ANXA5: variants seen among roughly 807,000 people sequenced by gnomAD.
ANXA5 encodes the protein CBP-I.
Under a neutral mutation model 48.1 loss-of-function variants are expected in ANXA5, and 40 were observed. The observed-to-expected ratio is 0.83, with a 90% CI of 0.65 to 1.08. The LOEUF (loss-of-function observed/expected upper bound fraction) is 1.08. Ranked by LOEUF, ANXA5 falls within the 50% of genes least tolerant of loss-of-function variation. The pLI is 0.00. For missense variants in ANXA5, 357 were observed against 376.8 expected (o/e 0.95, Z 0.44); for synonymous variants, 113 against 129.1 (o/e 0.88, Z 0.85).
At chr4:121,692,200 A>C (rs1724998756) in intron 2 of ANXA5, among the ~76,000 whole-genome samples, 1 of 152,222 alleles carries the variant, frequency 6.6e-6, no homozygotes, top group Non-Finnish European at 1.5e-5. Context: ...GGGAAAAAAA[A>C]CATCACTGGA....
At position 121,668,195 on chromosome 4, in the gene ANXA5, C is replaced by G. The variant is rs1724552150; in HGVS notation, c.*273G>C. The G allele has an allele frequency of 3.5e-6, 1 of 288,782 alleles. No individual in the cohort carries two copies. Among genetic ancestry groups the G allele is most frequent in the Non-Finnish European group, 6.4e-6 (1 of 156,352 alleles). 17.9% of individuals were successfully genotyped at this position (288,782 alleles called of 1,614,324 possible). ...TTAAAAAAGGCTAAAAGCACTCTAG[C>G]CTCTTAAAAAATATATATAAATGGA... is the stretch of plus-strand genomic sequence containing the variant. On this transcript the variant is annotated 3_prime_UTR_variant, in exon 13 of 13. Transcript: ENST00000296511.
chr4:121,696,592 C>A lies in ANXA5; in HGVS notation c.-3G>T. 3.5e-6 allele frequency: 5 copies of A among 1,430,226 alleles called. No homozygotes were observed. The highest frequency in any genetic ancestry group is 4.6e-6 in the Non-Finnish European group (5 of 1,081,532). The allele number at this position is 1,430,226 out of a possible 1,614,324, so 88.6% of individuals were successfully genotyped here. A position where few individuals can be genotyped will look rare whatever the true frequency, so the allele number is the denominator to read the frequency against. Reference sequence around the variant, plus strand: ...GCGCACGGCCTTACCTGTGCCATGGCGACTACTCAGGTCAGGGGAAGGTGA... The same window carrying A: ...GCGCACGGCCTTACCTGTGCCATGGAGACTACTCAGGTCAGGGGAAGGTGA... On this transcript the variant is annotated 5_prime_UTR_variant, in exon 2 of 13. Coordinates refer to ENST00000296511, the MANE Select transcript of ANXA5 (RefSeq NM_001154.4).
rs765143178 is a variant in ANXA5 at position 121,684,652 on chromosome 4, C to G, written c.189+25G>C. 8 of 1,592,670 alleles carry G rather than the reference C, an allele frequency of 5.0e-6. No homozygotes were observed. The East Asian group carries it at 1.8e-4, about 36-fold the overall frequency. ...TAACTGATAGCTGTTCTCCCATTCT[C>G]TCTTGGGATGAAGTGTGGTCTTACC... is the stretch of plus-strand genomic sequence containing the variant. On this transcript the variant is annotated intron_variant, in intron 4 of 12. Coordinates refer to ENST00000296511, the MANE Select transcript of ANXA5 (RefSeq NM_001154.4).
intron 2 of ANXA5, among the ~76,000 whole-genome samples, chr4:121,694,118 G>GT (rs1309189096): frequency 2.9e-5 from 3 of 104,466 alleles, no homozygotes; most frequent in African/African-American, 1.4e-4. Context: ...GGAGGGGGGA[G>GT]GGATAGCATT....
At chr4:121,669,079 CTT>C (rs1390391748) in intron 12 of ANXA5, among the ~76,000 whole-genome samples, 5 of 148,830 alleles carry the variant, frequency 3.4e-5, no homozygotes, top group Non-Finnish European at 7.4e-5. Flanking sequence ...AGTCAAAAGA[CTT>C]TAAGCTAAAT....
intron 5 of ANXA5, among the ~76,000 whole-genome samples, chr4:121,682,029 TTACA>T (rs1560827313): frequency 6.6e-6 from 1 of 152,168 alleles, no homozygotes; most frequent in East Asian, 1.9e-4. Flanking sequence ...ACATAACCAG[TTACA>T]TAAATTTGTA....
chr4:121,694,285 AAC>A (rs111885171), intron 2 of ANXA5, among the ~76,000 whole-genome samples: 80,630 of 150,168 alleles, frequency 0.54, 22,532 homozygotes, highest in African/African-American at 0.69. Context: ...ATAAAAAATA[AAC>A]AAAAAAATTC....
chr4:121,683,372 C>G lies in ANXA5; in HGVS notation c.295G>C (p.Ala99Pro), dbSNP rs759096170. 4 of 1,589,982 alleles carry G rather than the reference C, an allele frequency of 2.5e-6. No homozygotes were observed. Among genetic ancestry groups the G allele is most frequent in the Middle Eastern group, 1.7e-4 (1 of 5,992 alleles). The change falls in exon 5 of 13, where the codon GCC becomes CCC. Residue 99 changes from alanine to proline, a missense_variant. Transcript: ENST00000296511. Reference sequence around the variant, plus strand: ...TCACTCATCCTTTTTACCTTCAAGGCATGTTTCAGTTCATAAGCATCATAA... The same window carrying G: ...TCACTCATCCTTTTTACCTTCAAGGGATGTTTCAGTTCATAAGCATCATAA... ...RLYDAYELKHALKGAGTNEKV... is the reference protein window; with the variant it reads ...RLYDAYELKHPLKGAGTNEKV...
intron 12 of ANXA5, 31 bp downstream of exon 12, chr4:121,669,571 C>G: frequency 6.2e-7 from 1 of 1,611,924 alleles, no homozygotes; most frequent in Non-Finnish European, 8.5e-7. Flanking sequence ...CTTTGGATTC[C>G]CAAACGTAAT....
At position 121,681,664 on chromosome 4, in the gene ANXA5, C is replaced by G; in HGVS notation, c.394+7G>C. 1 of 1,598,798 alleles carries G rather than the reference C, an allele frequency of 6.3e-7. No homozygotes were observed. The highest frequency in any genetic ancestry group is 1.1e-5 in the South Asian group (1 of 90,082). ...GTGAAGTCAAAATATAACTCACAAA[C>G]ATTTACCTTCTTCATAAACTTGTTT... On this transcript the variant is annotated splice_region_variant and intron_variant, in intron 6 of 12. Coordinates refer to ENST00000296511, the MANE Select transcript of ANXA5 (RefSeq NM_001154.4).
intron 2 of ANXA5, among the ~76,000 whole-genome samples, chr4:121,690,004 C>T (rs540287465): frequency 4.1e-4 from 63 of 152,180 alleles, no homozygotes; most frequent in African/African-American, 1.4e-3. Context: ...CTGGAGGGGG[C>T]CACCACGCAA....
At chr4:121,669,794 G>T in intron 11 of ANXA5, 70 bp from the exon 12 acceptor site, 1 of 1,551,772 alleles carries the variant, frequency 6.4e-7, no homozygotes, top group Non-Finnish European at 8.7e-7. Flanking sequence ...AATGCTCCCG[G>T]GTGCGGGTGA....
At chr4:121,687,547 A>G (rs1724914240) in intron 2 of ANXA5, among the ~76,000 whole-genome samples, 1 of 152,194 alleles carries the variant, frequency 6.6e-6, no homozygotes, top group Non-Finnish European at 1.5e-5. Context: ...TAAATGCACA[A>G]AAGCACAGTC....
rs1725087962 is a variant in ANXA5, at chr4:121,696,615, T to G, written c.-26A>C. 1.4e-6 allele frequency: 2 copies of G among 1,410,080 alleles called. No homozygotes were observed. Among genetic ancestry groups the G allele is most frequent in the South Asian group, 1.8e-5 (1 of 55,806 alleles). The allele number at this position is 1,410,080 out of a possible 1,614,324, so 87.3% of individuals were successfully genotyped here. On this transcript the variant is annotated 5_prime_UTR_variant, in exon 2 of 13. Coordinates refer to ENST00000296511, the MANE Select transcript of ANXA5 (RefSeq NM_001154.4). ...GGCGACTACTCAGGTCAGGGGAAGG[T>G]GAAGCAGGACTGCAAAAGAGAAGAA...
At chr4:121,689,336 G>A (rs1182688310) in intron 2 of ANXA5, among the ~76,000 whole-genome samples, 2 of 152,128 alleles carry the variant, frequency 1.3e-5, no homozygotes, top group Non-Finnish European at 2.9e-5. Context: ...TCTTTTGAAT[G>A]TCTCCCCCGT....
At chr4:121,681,461 T>G (rs1464621042) in intron 6 of ANXA5, 2 of 430,270 alleles carry the variant, frequency 4.6e-6, no homozygotes, top group Non-Finnish European at 8.3e-6. Flanking sequence ...AGTAGCTTCT[T>G]ATAAAATATG....
rs1724889787 is a variant in ANXA5 at position 121,686,348 on chromosome 4, A to G, written c.34T>C (p.Phe12Leu). The change falls in exon 3 of 13, where the codon TTC becomes CTC. Residue 12 changes from phenylalanine (F) to leucine (L), a missense_variant. Phe to Leu is a conservative substitution (Grantham distance 22). Transcript: ENST00000296511. ...AQVLRGTVTD[F>L]PGFDERADAE... ...TCAGCCCGCTCATCAAATCCAGGGA[A>G]GTCAGTCACAGTGCCTCTGAGAACC... is the stretch of plus-strand genomic sequence containing the variant. The G allele has an allele frequency of 6.2e-7, 1 of 1,614,084 alleles. No homozygotes were observed. The highest frequency in any genetic ancestry group is 1.3e-5 in the African/African-American group (1 of 75,042).
chr4:121,668,212 A>G lies in ANXA5; in HGVS notation c.*256T>C, dbSNP rs1724552504. 3.1e-6 allele frequency: 1 copy of G among 319,708 alleles called. No individual in the cohort carries two copies. Among genetic ancestry groups the G allele is most frequent in the South Asian group, 1.0e-4 (1 of 9,884 alleles). 19.8% of individuals were successfully genotyped at this position (319,708 alleles called of 1,614,324 possible). A position where few individuals can be genotyped will look rare whatever the true frequency, so the allele number is the denominator to read the frequency against. ...CACTCTAGCCTCTTAAAAAATATATATAAATGGAAAATGGCCAGGCATTAA... is the reference window on the plus strand; with the variant it reads ...CACTCTAGCCTCTTAAAAAATATATGTAAATGGAAAATGGCCAGGCATTAA... On this transcript the variant is annotated 3_prime_UTR_variant, in exon 13 of 13. Coordinates refer to ENST00000296511, the MANE Select transcript of ANXA5 (RefSeq NM_001154.4).
At chr4:121,696,372 G>T (rs1404830297) in intron 2 of ANXA5, among the ~76,000 whole-genome samples, 2 of 152,128 alleles carry the variant, frequency 1.3e-5, no homozygotes, top group African/African-American at 2.4e-5. Flanking sequence ...CGTCGGTGCT[G>T]GTTCCGGAGG....
Sources: gnomAD v4.1 joint callset for allele counts (sites outside exome capture counted in the v4.1 genomes callset) on GRCh38, gnomAD v4.1.1 for gene constraint, MANE v1.5 for transcripts, NCBI Gene and HGNC (gene_info 2026-07-23, HGNC 2026-07-21) for gene names.